Variants in ABL1 observed in about 807,000 individuals in gnomAD.
The protein encoded by ABL1 is tyrosine-protein kinase ABL1.
ABL1 carries 11 observed loss-of-function variants against 94.7 expected under a neutral mutation model. The ratio of observed to expected loss-of-function variants is 0.12; its 90% confidence interval spans 0.07 to 0.19. The LOEUF (loss-of-function observed/expected upper bound fraction) is 0.19. Among genes scored for constraint, ABL1 ranks in the 10% least tolerant of loss-of-function variants. The pLI is 1.00. For missense variants in ABL1, 1,082 were observed against 1,489.4 expected (o/e 0.73, Z 4.50); for synonymous variants, 656 against 622.4 (o/e 1.05, Z -0.80).
At chr9:130,767,801 G>C (rs1241887214) in intron 1 of ABL1, among the ~76,000 whole-genome samples, 2 of 152,190 alleles carry the variant, frequency 1.3e-5, no homozygotes, top group Non-Finnish European at 2.9e-5. Context: ...TCACAAATAG[G>C]ACATCTCTTT....
intron 4 of ABL1, among the ~76,000 whole-genome samples, chr9:130,868,314 A>G (rs1365418091): frequency 6.6e-6 from 1 of 152,092 alleles, no homozygotes; most frequent in Non-Finnish European, 1.5e-5. Flanking sequence ...GTGAAGGAAT[A>G]TTGGAAATAA....
At position 130,728,230 on chromosome 9, in the gene ABL1, A is replaced by ATTTTTTTTTT. The variant is rs55915035; in HGVS notation, c.136+13784_136+13793dup. Among the ~76,000 whole-genome samples, 68 of 102,562 alleles carry ATTTTTTTTTT rather than the reference A, an allele frequency of 6.6e-4. 4 individuals are homozygous for ATTTTTTTTTT. The highest frequency in any genetic ancestry group is 1.4e-3 in the African/African-American group (26 of 19,036). 67.3% of individuals were successfully genotyped at this position (102,562 alleles called of 152,430 possible). A position where few individuals can be genotyped will look rare whatever the true frequency, so the allele number is the denominator to read the frequency against. ...GGGCATGCGCCACCATGTCCAGCTG[A>ATTTTTTTTTT]TTTTTTTTTTTTTTTTTTGTGGAGA... is the stretch of plus-strand genomic sequence containing the variant. On this transcript the variant is annotated intron_variant, in intron 1 of 10. Coordinates refer to the ABL1 transcript ENST00000372348.
intron 1 of ABL1, among the ~76,000 whole-genome samples, chr9:130,843,728 T>C (rs1830714087): frequency 6.6e-6 from 1 of 151,848 alleles, no homozygotes; most frequent in Non-Finnish European, 1.5e-5. Flanking sequence ...CAGAAGAGGC[T>C]GGGGAACGAA....
At chr9:130,783,111 C>A (rs1262099381) in intron 1 of ABL1, among the ~76,000 whole-genome samples, 1 of 152,212 alleles carries the variant, frequency 6.6e-6, no homozygotes, top group Non-Finnish European at 1.5e-5. Flanking sequence ...ATTCAGAATC[C>A]TCCAGGTATC....
chr9:130,735,955 A>ATTTTT (rs1365601952), intron 1 of ABL1, among the ~76,000 whole-genome samples: 3 of 41,498 alleles, frequency 7.2e-5, no homozygotes, highest in African/African-American at 3.1e-4. Context: ...ATATATATAT[A>ATTTTT]TATATATTTT....
At chr9:130,733,363 T>C (rs192599771) in intron 1 of ABL1, among the ~76,000 whole-genome samples, 89 of 152,252 alleles carry the variant, frequency 5.8e-4, no homozygotes, top group Non-Finnish European at 9.0e-4. Flanking sequence ...ATATAGTAAT[T>C]TATTGTTTCA....
intron 1 of ABL1, among the ~76,000 whole-genome samples, chr9:130,837,016 A>T (rs114951646): frequency 6.6e-6 from 1 of 152,078 alleles, no homozygotes. Context: ...GGAGTCACAT[A>T]TGCAGATCGC....
upstream of ABL1, among the ~76,000 whole-genome samples, chr9:130,834,423 C>T (rs935667504): frequency 1.4e-4 from 21 of 152,052 alleles, 1 homozygote; most frequent in African/African-American, 4.8e-4. Context: ...TCTGGGTGTG[C>T]GCCAGTAACA....
chr9:130,858,039 C>T (rs904794281), intron 3 of ABL1, among the ~76,000 whole-genome samples: 3 of 152,094 alleles, frequency 2.0e-5, no homozygotes, highest in African/African-American at 7.2e-5. Context: ...CTGGAGCAGA[C>T]AGCTTGCTTC....
intron 1 of ABL1, among the ~76,000 whole-genome samples, chr9:130,723,724 C>T (rs996031047): frequency 3.3e-5 from 5 of 152,118 alleles, no homozygotes; most frequent in Admixed American, 6.6e-5. Flanking sequence ...TCATATACTT[C>T]CTAGTAGTAT....
intron 1 of ABL1, among the ~76,000 whole-genome samples, chr9:130,768,727 C>A (rs1832214930): frequency 6.6e-6 from 1 of 152,280 alleles, no homozygotes; most frequent in South Asian, 2.1e-4. Context: ...CTATAATAGG[C>A]CCACTCTATA....
At chr9:130,829,406 A>G (rs1252100838) in intron 1 of ABL1, among the ~76,000 whole-genome samples, 1 of 151,998 alleles carries the variant, frequency 6.6e-6, no homozygotes, top group Non-Finnish European at 1.5e-5. Flanking sequence ...CTAAAAATAC[A>G]AAAAAATTAG....
intron 1 of ABL1, among the ~76,000 whole-genome samples, chr9:130,816,132 T>C (rs1174819416): frequency 6.6e-6 from 1 of 152,112 alleles, no homozygotes; most frequent in Non-Finnish European, 1.5e-5. Context: ...TTACACTCCT[T>C]CTTGCTGACT....
At position 130,887,199 on chromosome 9, in the gene ABL1, C is replaced by T. The variant is rs922940222; in HGVS notation, c.*1516C>T. 8.6e-6 allele frequency: 2 copies of T among 233,270 alleles called. No individual in the cohort carries two copies. The highest frequency in any genetic ancestry group is 1.2e-4 in the East Asian group (2 of 16,570). 14.5% of individuals were successfully genotyped at this position (233,270 alleles called of 1,614,324 possible). ...ATACCGCCTCGTGCCAGCAGCCTCG[C>T]ACAGGCCCTAGCTTTACGCTCATCA... On this transcript the variant is annotated 3_prime_UTR_variant, in exon 11 of 11. Coordinates refer to ENST00000318560, the MANE Select transcript of ABL1 (RefSeq NM_005157.6).
chr9:130,816,472 C>A (rs1830287972), intron 1 of ABL1, among the ~76,000 whole-genome samples: 1 of 151,482 alleles, frequency 6.6e-6, no homozygotes, highest in African/African-American at 2.4e-5. Context: ...CCACACCCGG[C>A]CCCGATCACC....
At chr9:130,776,358 G>A (rs533302162) in intron 1 of ABL1, among the ~76,000 whole-genome samples, 31 of 152,210 alleles carry the variant, frequency 2.0e-4, no homozygotes, top group Non-Finnish European at 2.6e-4. Context: ...CACTTTGGGA[G>A]GCCGAGGCAG....
chr9:130,804,934 C>G (rs1194604947), intron 1 of ABL1, among the ~76,000 whole-genome samples: 1 of 152,212 alleles, frequency 6.6e-6, no homozygotes, highest in Non-Finnish European at 1.5e-5. Context: ...GGAGGTCTCT[C>G]AGTTAAACAA....
chr9:130,865,025 AAGG>A (rs1352421216), intron 4 of ABL1, among the ~76,000 whole-genome samples: 1 of 152,198 alleles, frequency 6.6e-6, no homozygotes, highest in Admixed American at 6.5e-5. Flanking sequence ...TGAACAACTG[AAGG>A]AGGAGACTCC....
At chr9:130,859,650 A>G (rs1831032292) in intron 3 of ABL1, among the ~76,000 whole-genome samples, 2 of 148,998 alleles carry the variant, frequency 1.3e-5, no homozygotes, top group African/African-American at 5.0e-5. Context: ...GGCTGTCAAA[A>G]GAAACGCTGT....
Sources: gnomAD v4.1 joint callset for allele counts (sites outside exome capture counted in the v4.1 genomes callset) on GRCh38, gnomAD v4.1.1 for gene constraint, MANE v1.5 for transcripts, NCBI Gene and HGNC (gene_info 2026-07-23, HGNC 2026-07-21) for gene names.